Variants in TMCC1 observed in about 807,000 individuals in gnomAD.
The protein encoded by TMCC1 is transmembrane and coiled-coil domains protein 1.
A neutral mutation model predicts 52.4 loss-of-function variants in TMCC1; 15 were observed. The observed-to-expected ratio is 0.29, with a 90% CI of 0.19 to 0.44. The LOEUF is 0.44. Ranked by LOEUF, TMCC1 falls within the 20% of genes least tolerant of loss-of-function variation. The probability of loss-of-function intolerance (pLI) is 1.00; values close to 1 mark genes in which losing one functional copy is unlikely to be tolerated. For synonymous variants in TMCC1, 279 were observed against 301.9 expected (o/e 0.92, Z 0.79); for missense variants, 503 against 806.0 (o/e 0.62, Z 4.55).
intron 2 of TMCC1, among the ~76,000 whole-genome samples, chr3:129,840,026 GAA>G (rs34763615): frequency 1.4e-5 from 2 of 147,350 alleles, no homozygotes; most frequent in African/African-American, 5.0e-5. Flanking sequence ...GACTGGGGGA[GAA>G]AAAAAAAAGC....
chr3:129,883,450 A>C (rs557405736), intron 1 of TMCC1, among the ~76,000 whole-genome samples: 9 of 152,236 alleles, frequency 5.9e-5, no homozygotes, highest in African/African-American at 1.9e-4. Context: ...CCATTTCTAC[A>C]AAAAACTGTA....
intron 4 of TMCC1, among the ~76,000 whole-genome samples, chr3:129,695,096 CAAAAAAAAAAAAAAA>C (rs11291309): frequency 1.1e-4 from 4 of 35,232 alleles, no homozygotes; most frequent in Non-Finnish European, 1.9e-4. Flanking sequence ...GACTCTGTCT[CAAAAAAAAAAAAAAA>C]AAAAAAAAAA....
At chr3:129,652,743 C>T (rs2086420766) in intron 6 of TMCC1, among the ~76,000 whole-genome samples, 1 of 152,234 alleles carries the variant, frequency 6.6e-6, no homozygotes, top group Non-Finnish European at 1.5e-5. Context: ...TTAACTCTTT[C>T]AACCGACTGC....
intron 2 of TMCC1, among the ~76,000 whole-genome samples, chr3:129,845,392 C>T (rs941568808): frequency 6.6e-6 from 1 of 152,076 alleles, no homozygotes; most frequent in Non-Finnish European, 1.5e-5. Context: ...TAAATATCTC[C>T]ATGTCTACAG....
intron 4 of TMCC1, among the ~76,000 whole-genome samples, chr3:129,805,763 T>A (rs375261434): frequency 2.5e-4 from 38 of 151,852 alleles, no homozygotes; most frequent in African/African-American, 9.2e-4. Flanking sequence ...CGAGACTCCA[T>A]CTCTACAAAA....
chr3:129,875,173 C>A (rs1274778750), intron 2 of TMCC1, among the ~76,000 whole-genome samples: 1 of 150,444 alleles, frequency 6.6e-6, no homozygotes, highest in Non-Finnish European at 1.5e-5. Flanking sequence ...AGCAATACAG[C>A]AAGATTCCAT....
intron 4 of TMCC1, among the ~76,000 whole-genome samples, chr3:129,747,069 T>C (rs2052045066): frequency 6.6e-6 from 1 of 152,220 alleles, no homozygotes; most frequent in Non-Finnish European, 1.5e-5. Flanking sequence ...AGGTATTCAA[T>C]AAAATGTTAA....
chr3:129,776,659 G>A (rs1007079763), intron 4 of TMCC1, among the ~76,000 whole-genome samples: 3 of 152,160 alleles, frequency 2.0e-5, no homozygotes, highest in Non-Finnish European at 2.9e-5. Context: ...GCAGGGTCTC[G>A]CTCTATCACC....
At chr3:129,760,489 TGTGTG>T (rs1426232280) in intron 4 of TMCC1, among the ~76,000 whole-genome samples, 15 of 144,236 alleles carry the variant, frequency 1.0e-4, no homozygotes, top group Admixed American at 2.0e-4. Flanking sequence ...TGTGTGTGTG[TGTGTG>T]TTTTTGAGAC....
intron 4 of TMCC1, among the ~76,000 whole-genome samples, chr3:129,778,799 G>C (rs2055270161): frequency 6.6e-6 from 1 of 152,038 alleles, no homozygotes; most frequent in Non-Finnish European, 1.5e-5. Context: ...TGTGAAGAAG[G>C]ATGTGTTTAC....
chr3:129,671,379 C>T, intron 4 of TMCC1, 115 bp from the exon 5 acceptor site: 1 of 1,099,188 alleles, frequency 9.1e-7, no homozygotes. Context: ...AGATAACTGA[C>T]CTATAATTCC....
intron 4 of TMCC1, among the ~76,000 whole-genome samples, chr3:129,691,663 A>T (rs2047039097): frequency 6.6e-6 from 1 of 152,198 alleles, no homozygotes; most frequent in African/African-American, 2.4e-5. Context: ...ACATGCCTGT[A>T]GTCCCAGCTA....
At chr3:129,729,678 A>T (rs1395815515) in intron 4 of TMCC1, among the ~76,000 whole-genome samples, 2 of 152,188 alleles carry the variant, frequency 1.3e-5, no homozygotes, top group Non-Finnish European at 2.9e-5. Flanking sequence ...AATAAAATGA[A>T]AATATTGCAA....
At chr3:129,785,560 TACACACACAC>T (rs10656814) in intron 4 of TMCC1, among the ~76,000 whole-genome samples, 2 of 146,066 alleles carry the variant, frequency 1.4e-5, no homozygotes, top group Non-Finnish European at 3.0e-5. Context: ...TCAATATACA[TACACACACAC>T]ACACACACAC....
chr3:129,807,959 C>T (rs866106437), intron 4 of TMCC1, among the ~76,000 whole-genome samples: 2 of 152,170 alleles, frequency 1.3e-5, no homozygotes, highest in South Asian at 2.1e-4. Context: ...ATGTGCAACA[C>T]TCTTGGAGAG....
At chr3:129,839,307 T>C (rs901970843) in intron 2 of TMCC1, among the ~76,000 whole-genome samples, 3 of 151,976 alleles carry the variant, frequency 2.0e-5, no homozygotes, top group African/African-American at 4.8e-5. Flanking sequence ...AACCATACTT[T>C]AACTAAATGC....
Position 129,731,132 on chromosome 3 carries a change from C to A in TMCC1, c.577-59868G>T, listed in dbSNP as rs115625364. ...TATATGAAGAATAATATACCATAAC[C>A]AAGCAGGGTTTGTATCAGGAATGCA... On this transcript the variant is annotated intron_variant, in intron 4 of 6. Coordinates refer to ENST00000393238, the MANE Select transcript of TMCC1 (RefSeq NM_001017395.5). Among the ~76,000 whole-genome samples, 420 of 152,210 alleles carry A rather than the reference C, an allele frequency of 2.8e-3. 1 individual carries two copies. The highest frequency in any genetic ancestry group is 9.7e-3 in the African/African-American group (402 of 41,536).
At chr3:129,672,125 T>C (rs190853231) in intron 4 of TMCC1, among the ~76,000 whole-genome samples, 8 of 152,118 alleles carry the variant, frequency 5.3e-5, no homozygotes, top group Admixed American at 1.3e-4. Flanking sequence ...TTCAAAGGAG[T>C]TGAAGAAAAA....
intron 4 of TMCC1, among the ~76,000 whole-genome samples, chr3:129,825,152 A>T (rs1352916414): frequency 6.6e-6 from 1 of 152,296 alleles, no homozygotes; most frequent in East Asian, 1.9e-4. Flanking sequence ...AACAAAATGA[A>T]TTATCCTTTT....
Sources: gnomAD v4.1 joint callset for allele counts (sites outside exome capture counted in the v4.1 genomes callset) on GRCh38, gnomAD v4.1.1 for gene constraint, MANE v1.5 for transcripts, NCBI Gene and HGNC (gene_info 2026-07-23, HGNC 2026-07-21) for gene names.